NRG1: variants seen among roughly 807,000 people sequenced by gnomAD.
The protein encoded by NRG1 is pro-neuregulin-1, membrane-bound isoform.
In NRG1, 18 loss-of-function variants were observed where a neutral mutation model predicts 63.8. The observed-to-expected ratio is 0.28, with a 90% CI of 0.19 to 0.42. NRG1 has a LOEUF of 0.42. NRG1 is among the 10% of genes least tolerant of loss of function. The pLI is 1.00. For synonymous variants in NRG1, 302 were observed against 301.3 expected (o/e 1.00, Z -0.02); for missense variants, 762 against 814.7 (o/e 0.94, Z 0.79).
chr8:31,639,753 T>A (rs939080796), intron 1 of NRG1: 25 of 1,300,396 alleles, frequency 1.9e-5, no homozygotes, highest in Non-Finnish European at 2.0e-5. Context: ...ATTTTGCCTT[T>A]TTTTTTTTTG....
intron 1 of NRG1, among the ~76,000 whole-genome samples, chr8:31,743,569 TGTGTGG>T (rs941358707): frequency 4.4e-4 from 66 of 148,532 alleles, no homozygotes; most frequent in African/African-American, 1.5e-3. Context: ...TATGTGTGTG[TGTGTGG>T]GTGTGTGTGT....
intron 1 of NRG1, among the ~76,000 whole-genome samples, chr8:31,898,306 C>CATATATATTT: frequency 6.6e-6 from 1 of 152,114 alleles, no homozygotes; most frequent in African/African-American, 2.4e-5. Flanking sequence ...ACAACTAATA[C>CATATATATTT]ATATATATTT....
upstream of NRG1, among the ~76,000 whole-genome samples, chr8:32,547,374 C>T (rs1257980672): frequency 6.6e-6 from 1 of 152,170 alleles, no homozygotes; most frequent in Non-Finnish European, 1.5e-5. Context: ...TGTCTTTATT[C>T]TACCCCTCCC....
chr8:31,683,273 A>G (rs1808522961), intron 1 of NRG1, among the ~76,000 whole-genome samples: 1 of 152,176 alleles, frequency 6.6e-6, no homozygotes, highest in African/African-American at 2.4e-5. Context: ...TATGATTGTC[A>G]AAACTTGGAT....
At chr8:31,975,828 G>A (rs1808073828) in intron 1 of NRG1, among the ~76,000 whole-genome samples, 1 of 152,090 alleles carries the variant, frequency 6.6e-6, no homozygotes, top group Admixed American at 6.5e-5. Flanking sequence ...TTTACATGGA[G>A]AAAAAAGTCT....
At chr8:32,653,233 C>T (rs1177198679) in intron 5 of NRG1, among the ~76,000 whole-genome samples, 1 of 151,920 alleles carries the variant, frequency 6.6e-6, no homozygotes, top group Admixed American at 6.6e-5. Flanking sequence ...CAGTGGAAAA[C>T]AGTAGAGTGC....
At chr8:31,990,580 A>G (rs1348701992) in intron 1 of NRG1, among the ~76,000 whole-genome samples, 1 of 152,104 alleles carries the variant, frequency 6.6e-6, no homozygotes, top group Non-Finnish European at 1.5e-5. Context: ...GTAAGAAGAA[A>G]ATAAGATTCT....
chr8:31,821,925 G>A (rs1824043426), intron 1 of NRG1, among the ~76,000 whole-genome samples: 3 of 152,116 alleles, frequency 2.0e-5, no homozygotes, highest in Non-Finnish European at 4.4e-5. Flanking sequence ...CCCAGTATGA[G>A]CAGCCTTTTT....
At chr8:32,673,208 T>G (rs1806165302) in intron 5 of NRG1, among the ~76,000 whole-genome samples, 1 of 152,236 alleles carries the variant, frequency 6.6e-6, no homozygotes, top group Admixed American at 6.5e-5. Flanking sequence ...GATAATGTAT[T>G]ATATGAAGGA....
chr8:32,090,462 A>G (rs1486287876), intron 1 of NRG1, among the ~76,000 whole-genome samples: 7 of 152,110 alleles, frequency 4.6e-5, no homozygotes, highest in Non-Finnish European at 7.4e-5. Context: ...CTGGGATTAT[A>G]GGTGCATGCC....
intron 1 of NRG1, among the ~76,000 whole-genome samples, chr8:31,789,947 C>A (rs558106040): frequency 1.3e-5 from 2 of 152,138 alleles, no homozygotes; most frequent in African/African-American, 4.8e-5. Flanking sequence ...ATACTATGAT[C>A]TTTTTTTAGG....
chr8:31,693,267 A>T (rs560204195), intron 1 of NRG1, among the ~76,000 whole-genome samples: 1 of 152,312 alleles, frequency 6.6e-6, no homozygotes, highest in Non-Finnish European at 1.5e-5. Flanking sequence ...ACGATAAGAA[A>T]ATTCTATAAT....
exon 12 of NRG1, chr8:32,763,913 A>G (rs777065500): frequency 6.2e-7 from 1 of 1,614,046 alleles, no homozygotes; most frequent in Non-Finnish European, 8.5e-7. Flanking sequence ...AGAGACCTCT[A>G]CTTCTCGTGA....
intron 1 of NRG1, among the ~76,000 whole-genome samples, chr8:32,291,621 C>T (rs538287395): frequency 6.7e-6 from 1 of 150,012 alleles, no homozygotes; most frequent in East Asian, 2.0e-4. Flanking sequence ...TCACTGCAAC[C>T]TCCACCTCCT....
intron 7 of NRG1, among the ~76,000 whole-genome samples, chr8:32,745,406 T>C (rs1469621285): frequency 6.6e-6 from 1 of 152,140 alleles, no homozygotes; most frequent in Non-Finnish European, 1.5e-5. Flanking sequence ...TTTATTAACA[T>C]AAAACTTACA....
At chr8:32,250,899 T>C (rs1849029382) in intron 1 of NRG1, among the ~76,000 whole-genome samples, 1 of 152,116 alleles carries the variant, frequency 6.6e-6, no homozygotes, top group Non-Finnish European at 1.5e-5. Context: ...TACTTATTTA[T>C]AATAAATTTG....
chr8:32,080,985 G>A lies in NRG1; in HGVS notation c.37+441554G>A, dbSNP rs557158751. Among the ~76,000 whole-genome samples the A allele has an allele frequency of 2.6e-5, 4 of 152,148 alleles. No homozygotes were observed. In the East Asian group the frequency reaches 7.7e-4, roughly 29 times the overall value. On this transcript the variant is annotated intron_variant, in intron 1 of 10. Coordinates refer to the NRG1 transcript ENST00000519301. ...CAGAATTCTCTCTTGTTTGGGGAGA[G>A]GTCAGTCTTTTGTTCTATTCAGATC... is the stretch of plus-strand genomic sequence containing the variant.
intron 1 of NRG1, among the ~76,000 whole-genome samples, chr8:32,482,692 C>T (rs894331179): frequency 6.6e-6 from 1 of 151,978 alleles, no homozygotes; most frequent in East Asian, 1.9e-4. Flanking sequence ...CGGGTGCTGA[C>T]AAGAGGAAAT....
intron 6 of NRG1, among the ~76,000 whole-genome samples, chr8:32,729,541 G>A (rs1032191353): frequency 1.4e-4 from 21 of 152,152 alleles, no homozygotes; most frequent in African/African-American, 2.2e-4. Flanking sequence ...GAATATTGGC[G>A]TGTGACTTAA....
Sources: gnomAD v4.1 joint callset for allele counts (sites outside exome capture counted in the v4.1 genomes callset) on GRCh38, gnomAD v4.1.1 for gene constraint, MANE v1.5 for transcripts, NCBI Gene and HGNC (gene_info 2026-07-23, HGNC 2026-07-21) for gene names.